ATP13A3: variants seen among roughly 807,000 people sequenced by gnomAD.
ATP13A3 encodes ATPase 13A3.
ATP13A3 carries 59 observed loss-of-function variants against 158.1 expected under a neutral mutation model. The ratio of observed to expected loss-of-function variants is 0.37; its 90% CI spans 0.30 to 0.46. The LOEUF (loss-of-function observed/expected upper bound fraction) is 0.46. Ranked by LOEUF, ATP13A3 falls within the 20% of genes least tolerant of loss-of-function variation. The pLI, the probability that ATP13A3 is intolerant of heterozygous loss-of-function variation, is 1.00. For synonymous variants in ATP13A3, 491 were observed against 504.3 expected (o/e 0.97, Z 0.35); for missense variants, 1,166 against 1,525.2 (o/e 0.76, Z 3.92).
At chr3:194,419,666 T>A in intron 31 of ATP13A3, 1 of 614,458 alleles carries the variant, frequency 1.6e-6, no homozygotes, top group Non-Finnish European at 2.0e-6. Flanking sequence ...ATTTAATTTG[T>A]TTGCAGACAA....
intron 2 of ATP13A3, among the ~76,000 whole-genome samples, chr3:194,477,648 A>C (rs529613059): frequency 3.3e-5 from 5 of 152,334 alleles, no homozygotes; most frequent in African/African-American, 4.8e-5. Flanking sequence ...CATAGCTGTT[A>C]ACCTAAGATG....
rs375021771 is a variant in ATP13A3 at position 194,453,340 on chromosome 3, C to T, written c.838+366G>A. On this transcript the variant is annotated intron_variant, in intron 10 of 33. Coordinates refer to ENST00000645319, the MANE Select transcript of ATP13A3 (RefSeq NM_001367549.1). The stretch of plus-strand genomic sequence containing the variant: ...CAGTGCAGTGGCTCAAACCTGTAAT[C>T]CCAACACTTTGGGAGGCCCAGGTGG... Among the ~76,000 whole-genome samples, 10 of 150,820 alleles carry T rather than the reference C, an allele frequency of 6.6e-5. No individual in the cohort carries two copies. In the South Asian group the frequency reaches 2.1e-3, roughly 32 times the overall value.
In ATP13A3 at chr3:194,438,985, A is replaced by G. The variant is rs544033989; in HGVS notation, c.1711-13T>C. Reference sequence around the variant, plus strand: ...CTTCTTCCAGAATCTGGAAAAAAAAAAGAGACAAAAAAAAACAAAAACACA... The same window carrying G: ...CTTCTTCCAGAATCTGGAAAAAAAAGAGAGACAAAAAAAAACAAAAACACA... On this transcript the variant is annotated splice_polypyrimidine_tract_variant and intron_variant, in intron 16 of 33. Transcript: ENST00000645319. The G allele has an allele frequency of 7.2e-5, 110 of 1,531,694 alleles. 2 individuals are homozygous for G. In the South Asian group the frequency reaches 1.2e-3, roughly 16 times the overall value. 94.9% of individuals were successfully genotyped at this position (1,531,694 alleles called of 1,614,324 possible). A position where few individuals can be genotyped will look rare whatever the true frequency, so the allele number is the denominator to read the frequency against.
At position 194,403,876 on chromosome 3, in the gene ATP13A3, A is replaced by C. The variant is rs1336141174; in HGVS notation, c.*2043T>G. 3.4e-5 allele frequency: 10 copies of C among 297,148 alleles called. No individual in the cohort carries two copies. The highest frequency in any genetic ancestry group is 4.5e-5 in the Non-Finnish European group (7 of 153,892). The allele number at this position is 297,148 out of a possible 1,614,324, so 18.4% of individuals were successfully genotyped here. The stretch of plus-strand genomic sequence containing the variant: ...ATTCCTTTGAAAACAATATGGACAG[A>C]AGAGATATAAAACCCTTACTAACTC... On this transcript the variant is annotated 3_prime_UTR_variant, in exon 34 of 34. Coordinates refer to ENST00000645319, the MANE Select transcript of ATP13A3 (RefSeq NM_001367549.1).
intron 2 of ATP13A3, among the ~76,000 whole-genome samples, chr3:194,480,336 A>G (rs1218567243): frequency 6.6e-6 from 1 of 152,184 alleles, no homozygotes; most frequent in African/African-American, 2.4e-5. Flanking sequence ...CCAGGACATA[A>G]GACTGTTAAG....
In ATP13A3 at chr3:194,406,131, A is replaced by C; in HGVS notation, c.3574-15T>G. The C allele has an allele frequency of 6.2e-7, 1 of 1,613,346 alleles. No homozygotes were observed. The highest frequency in any genetic ancestry group is 8.5e-7 in the Non-Finnish European group (1 of 1,179,792). ...TCCACTGACTCCTAAGAAAATAAGA[A>C]AAAAACAAAACAAAACACCCCAGTT... On this transcript the variant is annotated splice_polypyrimidine_tract_variant and intron_variant, in intron 33 of 33. Coordinates refer to ENST00000645319, the MANE Select transcript of ATP13A3 (RefSeq NM_001367549.1).
At position 194,404,875 on chromosome 3, in the gene ATP13A3, T is replaced by G. The variant is rs890285358; in HGVS notation, c.*1044A>C. 6.6e-6 allele frequency: 1 copy of G among 152,148 alleles called. No homozygotes were observed. The highest frequency in any genetic ancestry group is 1.5e-5 in the Non-Finnish European group (1 of 68,020). The allele number at this position is 152,148 out of a possible 1,614,324, so 9.4% of individuals were successfully genotyped here. ...ACAAACTCATCAAATTCATATTGCT[T>G]TGAAAAAACGGCAGCCATTCAAATC... On this transcript the variant is annotated 3_prime_UTR_variant, in exon 34 of 34. Coordinates refer to ENST00000645319, the MANE Select transcript of ATP13A3 (RefSeq NM_001367549.1).
chr3:194,431,339 A>G, intron 22 of ATP13A3, 113 bp from the exon 23 acceptor site: 1 of 1,241,056 alleles, frequency 8.1e-7, no homozygotes, highest in East Asian at 2.4e-5. Flanking sequence ...ATGTTCCACA[A>G]CATGATGAAA....
rs1473361777 is a variant in ATP13A3, at chr3:194,405,251, C to T, written c.*668G>A. The T allele has an allele frequency of 1.3e-5, 2 of 152,212 alleles. No homozygotes were observed. Among genetic ancestry groups the T allele is most frequent in the East Asian group, 3.8e-4 (2 of 5,200 alleles). The allele number at this position is 152,212 out of a possible 1,614,324, so 9.4% of individuals were successfully genotyped here. A position where few individuals can be genotyped will look rare whatever the true frequency, so the allele number is the denominator to read the frequency against. ...GAGGCGTCTCAAGAAGGCAGTGAAG[C>T]ACCTTGCTGATTAGAAAAATAAAAC... On this transcript the variant is annotated 3_prime_UTR_variant, in exon 34 of 34. Coordinates refer to ENST00000645319, the MANE Select transcript of ATP13A3 (RefSeq NM_001367549.1).
chr3:194,456,967 TCAA>T, intron 7 of ATP13A3, 124 bp downstream of exon 7: 1 of 518,000 alleles, frequency 1.9e-6, no homozygotes. Flanking sequence ...CAATAAATTC[TCAA>T]CTACTATGTC....
chr3:194,433,232 C>CTTTTTTTTT (rs71637136), intron 21 of ATP13A3, among the ~76,000 whole-genome samples: 29 of 113,658 alleles, frequency 2.6e-4, no homozygotes, highest in African/African-American at 9.1e-4. Flanking sequence ...TTTTACTATT[C>CTTTTTTTTT]TTTTTTTTTT....
At position 194,403,955 on chromosome 3, in the gene ATP13A3, C is replaced by T. The variant is rs185581435; in HGVS notation, c.*1964G>A. On this transcript the variant is annotated 3_prime_UTR_variant, in exon 34 of 34. Coordinates refer to ENST00000645319, the MANE Select transcript of ATP13A3 (RefSeq NM_001367549.1). ...TCAAAAATAGCTCTTTATGATCATG[C>T]TCTTAAAGATGTTAAATACAATCGG... The T allele has an allele frequency of 3.2e-4, 110 of 340,634 alleles. 2 individuals carry two copies. In the East Asian group the frequency reaches 8.2e-3, roughly 25 times the overall value. The allele number at this position is 340,634 out of a possible 1,614,324, so 21.1% of individuals were successfully genotyped here.
At chr3:194,436,762 T>G (rs1196295117) in intron 20 of ATP13A3, among the ~76,000 whole-genome samples, 1 of 152,132 alleles carries the variant, frequency 6.6e-6, no homozygotes, top group Non-Finnish European at 1.5e-5. Context: ...GCACAAGAAT[T>G]GCTTGAACCG....
At chr3:194,472,267 A>G (rs559587786) in intron 2 of ATP13A3, among the ~76,000 whole-genome samples, 1 of 143,710 alleles carries the variant, frequency 7.0e-6, no homozygotes, top group Non-Finnish European at 1.5e-5. Flanking sequence ...GTTGCACAGT[A>G]GCCAAAAAAA....
chr3:194,410,588 A>G (rs960414789), intron 33 of ATP13A3, among the ~76,000 whole-genome samples: 1 of 152,086 alleles, frequency 6.6e-6, no homozygotes, highest in Non-Finnish European at 1.5e-5. Context: ...AGAAGGGCAG[A>G]TATTTCCTAA....
chr3:194,431,357 A>AT, intron 22 of ATP13A3, 131 bp from the exon 23 acceptor site: 1 of 1,129,034 alleles, frequency 8.9e-7, no homozygotes. Context: ...AAAGCCGGAC[A>AT]TTTATTCAAA....
At position 194,441,269 on chromosome 3, in the gene ATP13A3, T is replaced by G. The variant is rs771028441; in HGVS notation, c.1710+42A>C. Reference sequence around the variant, plus strand: ...ATGAGGTAATTTAATTTTTAACTATTATTTTCCTAAAGTTATTTGTATTTT... The same window carrying G: ...ATGAGGTAATTTAATTTTTAACTATGATTTTCCTAAAGTTATTTGTATTTT... On this transcript the variant is annotated intron_variant, in intron 16 of 33. Transcript: ENST00000645319. 11 of 1,498,844 alleles carry G rather than the reference T, an allele frequency of 7.3e-6. No individual in the cohort carries two copies. The East Asian group carries it at 2.5e-4, about 35-fold the overall frequency. The allele number at this position is 1,498,844 out of a possible 1,614,324, so 92.8% of individuals were successfully genotyped here.
chr3:194,441,967 C>T (rs1281829633), intron 15 of ATP13A3, among the ~76,000 whole-genome samples: 2 of 152,154 alleles, frequency 1.3e-5, no homozygotes, highest in Non-Finnish European at 2.9e-5. Flanking sequence ...AGGCATTATT[C>T]TAAGAACTTT....
intron 7 of ATP13A3, among the ~76,000 whole-genome samples, chr3:194,456,362 T>C (rs941112262): frequency 5.3e-5 from 8 of 152,108 alleles, no homozygotes; most frequent in African/African-American, 1.7e-4. Flanking sequence ...CAGTGTTTAG[T>C]TCAAAACATT....
Sources: gnomAD v4.1 joint callset for allele counts (sites outside exome capture counted in the v4.1 genomes callset) on GRCh38, gnomAD v4.1.1 for gene constraint, MANE v1.5 for transcripts, NCBI Gene and HGNC (gene_info 2026-07-23, HGNC 2026-07-21) for gene names.